The following TSNARE1 variants were observed in gnomAD, a reference collection of about 807,000 sequenced individuals.
TSNARE1 encodes the protein t-SNARE domain-containing protein 1.
Under a neutral mutation model 62.0 loss-of-function variants are expected in TSNARE1, and 49 were observed. The ratio of observed to expected loss-of-function variants is 0.79; its 90% CI spans 0.63 to 1.00. TSNARE1 has a LOEUF of 1.00. TSNARE1 is among the 50% of genes least tolerant of loss of function. TSNARE1 has a pLI of 0.00. For synonymous variants in TSNARE1, 328 were observed against 294.4 expected (o/e 1.11, Z -1.17); for missense variants, 755 against 700.1 (o/e 1.08, Z -0.88).
intron 10 of TSNARE1, 32 bp from the exon 11 acceptor site, chr8:142,284,517 C>T (rs1431192925): frequency 6.3e-7 from 1 of 1,595,404 alleles, no homozygotes; most frequent in Admixed American, 1.7e-5. Context: ...ACATCAGGAG[C>T]AGGGCTGTGG....
chr8:142,242,683 C>T (rs115665145), intron 12 of TSNARE1, among the ~76,000 whole-genome samples: 3,306 of 152,206 alleles, frequency 0.022, 133 homozygotes, highest in African/African-American at 0.076. Context: ...CTAACAGGGC[C>T]GGGCACGGTG....
chr8:142,259,951 T>C (rs1271260837), intron 12 of TSNARE1, among the ~76,000 whole-genome samples: 1 of 151,964 alleles, frequency 6.6e-6, no homozygotes, highest in Admixed American at 6.5e-5. Flanking sequence ...CAGGGCCTGG[T>C]GCACCTTCCC....
intron 6 of TSNARE1, among the ~76,000 whole-genome samples, chr8:142,321,662 C>T (rs918587174): frequency 1.3e-5 from 2 of 151,926 alleles, no homozygotes. Flanking sequence ...AAGAACATTA[C>T]GGAAACACAA....
chr8:142,297,983 G>A (rs1241021579), intron 10 of TSNARE1, among the ~76,000 whole-genome samples: 1 of 152,178 alleles, frequency 6.6e-6, no homozygotes, highest in Admixed American at 6.5e-5. Context: ...CAAAGAAAGT[G>A]AGGCTAGAAG....
At chr8:142,222,607 CTCAT>C (rs201821147) in intron 13 of TSNARE1, among the ~76,000 whole-genome samples, 7 of 112,228 alleles carry the variant, frequency 6.2e-5, no homozygotes, top group Non-Finnish European at 1.2e-4. Context: ...CATCCACTCA[CTCAT>C]TCATCCACTC....
chr8:142,322,531 G>C (rs1418786393), intron 6 of TSNARE1, among the ~76,000 whole-genome samples: 1 of 152,200 alleles, frequency 6.6e-6, no homozygotes, highest in East Asian at 1.9e-4. Context: ...AATCCACAAA[G>C]AAGCTCCAGG....
chr8:142,236,097 T>C (rs1410220603), intron 12 of TSNARE1, among the ~76,000 whole-genome samples: 1 of 152,184 alleles, frequency 6.6e-6, no homozygotes, highest in East Asian at 1.9e-4. Flanking sequence ...GCCATGAGGC[T>C]CTGCCCATTC....
chr8:142,214,587 C>G (rs995615638), intron 13 of TSNARE1, among the ~76,000 whole-genome samples: 14 of 152,212 alleles, frequency 9.2e-5, no homozygotes, highest in South Asian at 2.1e-4. Context: ...GCACCCCACT[C>G]TCGGTGAGGC....
At chr8:142,388,155 CAT>C (rs1454090935) in intron 1 of TSNARE1, among the ~76,000 whole-genome samples, 2 of 152,138 alleles carry the variant, frequency 1.3e-5, no homozygotes, top group East Asian at 3.9e-4. Context: ...AGAAAAAAAT[CAT>C]ATGATCACCC....
intron 12 of TSNARE1, among the ~76,000 whole-genome samples, chr8:142,244,041 C>G (rs948356688): frequency 4.6e-5 from 7 of 152,160 alleles, no homozygotes; most frequent in Non-Finnish European, 8.8e-5. Flanking sequence ...AAAAAATTAG[C>G]CGGGCGTGGT....
At chr8:142,365,944 A>T (rs751209526) in intron 1 of TSNARE1, 9 of 449,484 alleles carry the variant, frequency 2.0e-5, no homozygotes, top group Non-Finnish European at 3.6e-5. Context: ...AAGACTGTGC[A>T]GCTACAGCAG....
In TSNARE1 at chr8:142,364,701, T is replaced by C. The variant is rs142872991; in HGVS notation, c.-39-9938A>G. 6.0e-3 allele frequency among the ~76,000 whole-genome samples: 913 copies of C among 152,256 alleles called. 9 individuals carry two copies. The highest frequency in any genetic ancestry group is 0.021 in the African/African-American group (856 of 41,530). On this transcript the variant is annotated intron_variant, in intron 1 of 13. Coordinates refer to ENST00000524325, the MANE Select transcript of TSNARE1 (RefSeq NM_145003.5). The stretch of plus-strand genomic sequence containing the variant: ...AGAGCTCAAATAAAGGTGGGGCATC[T>C]AAAAAGGACACAAGAACCAGCTTGA...
At chr8:142,352,870 G>A (rs1165321192) in intron 2 of TSNARE1, among the ~76,000 whole-genome samples, 3 of 152,158 alleles carry the variant, frequency 2.0e-5, no homozygotes, top group Admixed American at 6.5e-5. Context: ...CACCACCTCC[G>A]AACCGTTAGA....
At chr8:142,308,517 C>T (rs973546246) in intron 9 of TSNARE1, among the ~76,000 whole-genome samples, 46 of 152,176 alleles carry the variant, frequency 3.0e-4, no homozygotes, top group South Asian at 4.1e-4. Flanking sequence ...CCGCCACGTA[C>T]GTGTGGTCCG....
chr8:142,288,114 C>T (rs1201168121), intron 10 of TSNARE1, among the ~76,000 whole-genome samples: 1 of 152,270 alleles, frequency 6.6e-6, no homozygotes, highest in African/African-American at 2.4e-5. Context: ...AGCCCCTGCC[C>T]AGCCTGTGGG....
Position 142,280,020 on chromosome 8 carries a change from G to A in TSNARE1, c.1363+4393C>T, listed in dbSNP as rs1168076244. On this transcript the variant is annotated intron_variant, in intron 11 of 13. Coordinates refer to ENST00000524325, the MANE Select transcript of TSNARE1 (RefSeq NM_145003.5). ...CTCGCAGGTCCCGCCACTTGTGCTT[G>A]AGGTCCCCCAGGTCGCGGCGGCAGT... The A allele has an allele frequency of 9.8e-6, 12 of 1,219,052 alleles. No individual in the cohort carries two copies. In the Admixed American group the frequency reaches 1.4e-4, roughly 14 times the overall value. 75.5% of individuals were successfully genotyped at this position (1,219,052 alleles called of 1,614,324 possible).
chr8:142,239,312 A>G (rs1817578632), intron 12 of TSNARE1, among the ~76,000 whole-genome samples: 1 of 152,228 alleles, frequency 6.6e-6, no homozygotes, highest in South Asian at 2.1e-4. Context: ...TTCCACAAGG[A>G]GCCTTAAAGC....
chr8:142,228,860 T>C (rs1242394096), intron 13 of TSNARE1, among the ~76,000 whole-genome samples: 3 of 151,966 alleles, frequency 2.0e-5, no homozygotes, highest in East Asian at 1.9e-4. Context: ...GAAGGATGAA[T>C]GGTGGATGGG....
Position 142,223,290 on chromosome 8 carries a change from T to TCAAC in TSNARE1, c.*11+6182_*11+6183insGTTG, listed in dbSNP as rs1816568856. ...CACTCATTCAGTCACTCACTCATAC[T>TCAAC]CACTCAACCACTCACTCATTCACTC... On this transcript the variant is annotated intron_variant, in intron 13 of 13. Coordinates refer to ENST00000524325, the MANE Select transcript of TSNARE1 (RefSeq NM_145003.5). Among the ~76,000 whole-genome samples, 12 of 62,826 alleles carry TCAAC rather than the reference T, an allele frequency of 1.9e-4. 1 individual carries two copies. The highest frequency in any genetic ancestry group is 1.6e-3 in the Admixed American group (10 of 6,218). 41.2% of individuals were successfully genotyped at this position (62,826 alleles called of 152,430 possible).
Sources: gnomAD v4.1 joint callset for allele counts (sites outside exome capture counted in the v4.1 genomes callset) on GRCh38, gnomAD v4.1.1 for gene constraint, MANE v1.5 for transcripts, NCBI Gene and HGNC (gene_info 2026-07-23, HGNC 2026-07-21) for gene names.